The following IQCK variants were observed in gnomAD, a reference collection of about 807,000 sequenced individuals.
IQCK encodes the protein IQ motif containing K, also known as IQ domain-containing protein K.
In IQCK, 29 loss-of-function variants were observed where a neutral mutation model predicts 28.1. The ratio of observed to expected loss-of-function variants is 1.03; its 90% confidence interval spans 0.77 to 1.41. The LOEUF is 1.41. IQCK is among the 40% of genes most tolerant of loss of function. The probability of loss-of-function intolerance (pLI) is 0.00; values close to 1 mark genes in which losing one functional copy is unlikely to be tolerated. For missense variants in IQCK, 359 were observed against 314.7 expected, an observed-to-expected ratio of 1.14 and a Z score of -1.07; for synonymous variants, 113 against 115.1, an observed-to-expected ratio of 0.98 and a Z score of 0.12.
chr16:19,743,386 C>T (rs1567539473), intron 4 of IQCK, among the ~76,000 whole-genome samples: 1 of 152,194 alleles, frequency 6.6e-6, no homozygotes, highest in Non-Finnish European at 1.5e-5. Flanking sequence ...CTCCCTGGAG[C>T]TGGAGCTGGG....
At chr16:19,745,400 G>C (rs1172938954) in intron 4 of IQCK, among the ~76,000 whole-genome samples, 1 of 152,152 alleles carries the variant, frequency 6.6e-6, no homozygotes. Flanking sequence ...CAGTATGTTT[G>C]GGGCAGAGTG....
intron 4 of IQCK, among the ~76,000 whole-genome samples, chr16:19,759,273 G>A (rs904810608): frequency 5.3e-5 from 8 of 151,986 alleles, no homozygotes; most frequent in Middle Eastern, 3.2e-3. Context: ...GTGCAGTGGC[G>A]TGATAGCTCA....
intron 7 of IQCK, among the ~76,000 whole-genome samples, chr16:19,820,844 A>T (rs992416218): frequency 6.6e-6 from 1 of 152,140 alleles, no homozygotes; most frequent in Non-Finnish European, 1.5e-5. Flanking sequence ...CAAGCAACCC[A>T]CTGTTTAAAA....
chr16:19,759,100 G>GT (rs1164789504), intron 4 of IQCK, among the ~76,000 whole-genome samples: 2 of 152,088 alleles, frequency 1.3e-5, no homozygotes, highest in African/African-American at 4.8e-5. Context: ...GTGTACATGA[G>GT]TTTTTTTCTT....
At position 19,764,096 on chromosome 16, in the gene IQCK, G is replaced by T; in HGVS notation, c.589G>T (p.Glu197Ter). The T allele has an allele frequency of 6.2e-7, 1 of 1,613,066 alleles. No individual in the cohort carries two copies. The highest frequency in any genetic ancestry group is 1.1e-5 in the South Asian group (1 of 90,908). The change falls in exon 6 of 8, where the codon GAG becomes TAG. Residue 197 changes from glutamate (E) to a stop codon, truncating the protein, a stop_gained. Coordinates refer to ENST00000564186, the Ensembl canonical transcript of IQCK. LOFTEE classifies it high-confidence loss of function. ...ATTTTTCTCCATTCCATTTGTGGAG[G>T]AGCGGCTAAAGCAACAGTGAGTATG...
chr16:19,728,143 A>G (rs1163500202), intron 1 of IQCK, among the ~76,000 whole-genome samples: 1 of 152,070 alleles, frequency 6.6e-6, no homozygotes, highest in Admixed American at 6.6e-5. Context: ...CAAGTTGTGC[A>G]TTACCCATGG....
At chr16:19,771,041 C>T (rs1233944566) in intron 6 of IQCK, among the ~76,000 whole-genome samples, 1 of 152,190 alleles carries the variant, frequency 6.6e-6, no homozygotes, top group African/African-American at 2.4e-5. Flanking sequence ...ATCGCATCTG[C>T]AAAGTTTCTT....
chr16:19,853,196 G>A (rs1313996164), intron 9 of IQCK, among the ~76,000 whole-genome samples: 1 of 152,114 alleles, frequency 6.6e-6, no homozygotes, highest in Admixed American at 6.6e-5. Context: ...CAGTGTAGTT[G>A]TGCCTCCAGA....
intron 6 of IQCK, among the ~76,000 whole-genome samples, chr16:19,777,865 A>G (rs997996473): frequency 6.6e-6 from 1 of 152,178 alleles, no homozygotes; most frequent in African/African-American, 2.4e-5. Context: ...AGTCTGGCCA[A>G]CGTGGTGAAA....
At chr16:19,785,493 C>A (rs1743893860) in intron 6 of IQCK, among the ~76,000 whole-genome samples, 1 of 152,222 alleles carries the variant, frequency 6.6e-6, no homozygotes, top group Admixed American at 6.5e-5. Flanking sequence ...CCCTAACTTT[C>A]CACGCCTAAG....
chr16:19,827,217 G>A (rs747021862), downstream of IQCK: 1 of 1,014,424 alleles, frequency 9.9e-7, no homozygotes, highest in South Asian at 1.3e-5. Context: ...GAGGCCCTCT[G>A]AGCTTTTGTA....
intron 7 of IQCK, among the ~76,000 whole-genome samples, chr16:19,815,007 G>A (rs890962819): frequency 6.6e-6 from 1 of 152,018 alleles, no homozygotes; most frequent in Non-Finnish European, 1.5e-5. Context: ...GGCTGGTCTC[G>A]AATTCCTGTG....
chr16:19,837,026 C>T (rs2056307578), intron 9 of IQCK, among the ~76,000 whole-genome samples: 1 of 152,130 alleles, frequency 6.6e-6, no homozygotes, highest in African/African-American at 2.4e-5. Flanking sequence ...GGAATAGTGC[C>T]TGGCCCATAA....
At chr16:19,759,514 G>A (rs2055106391) in intron 4 of IQCK, among the ~76,000 whole-genome samples, 2 of 152,092 alleles carry the variant, frequency 1.3e-5, no homozygotes, top group Non-Finnish European at 1.5e-5. Context: ...CAGCCTCAGT[G>A]CAGTCAGTTA....
At chr16:19,834,176 T>C (rs1701136460) in intron 9 of IQCK, among the ~76,000 whole-genome samples, 1 of 152,236 alleles carries the variant, frequency 6.6e-6, no homozygotes, top group Non-Finnish European at 1.5e-5. Flanking sequence ...CAAAGAAGGA[T>C]GTCTGCAACT....
intron 2 of IQCK, among the ~76,000 whole-genome samples, chr16:19,731,190 A>G (rs74013814): frequency 0.055 from 8,319 of 152,260 alleles, 708 homozygotes; most frequent in African/African-American, 0.18. Context: ...ATGACAGGGT[A>G]GACAAGATGA....
rs56758394 is a variant in IQCK at position 19,778,052 on chromosome 16, C to CAA, written c.606-10778_606-10777dup. Among the ~76,000 whole-genome samples, 904 of 150,134 alleles carry CAA rather than the reference C, an allele frequency of 6.0e-3. 10 individuals carry two copies. The highest frequency in any genetic ancestry group is 0.021 in the African/African-American group (855 of 40,898). ...CGGGTGACAGTGCAGGACTCTGTCT[C>CAA]AAAAAAAAAGAGAACCAGTTCAGAG... On this transcript the variant is annotated intron_variant, in intron 6 of 7. Transcript: ENST00000564186.
chr16:19,853,236 G>A (rs4782291), intron 9 of IQCK, among the ~76,000 whole-genome samples: 48,676 of 151,856 alleles, frequency 0.32, 8,337 homozygotes, highest in East Asian at 0.53. Flanking sequence ...AGGGTGTTCA[G>A]AAATCCCCAG....
At chr16:19,751,338 A>C (rs1249764666) in intron 4 of IQCK, among the ~76,000 whole-genome samples, 1 of 152,080 alleles carries the variant, frequency 6.6e-6, no homozygotes, top group South Asian at 2.1e-4. Context: ...GAAATTAGCC[A>C]GGCAGTGCCA....
Sources: gnomAD v4.1 joint callset for allele counts (sites outside exome capture counted in the v4.1 genomes callset) on GRCh38, gnomAD v4.1.1 for gene constraint, MANE v1.5 for transcripts, NCBI Gene and HGNC (gene_info 2026-07-23, HGNC 2026-07-21) for gene names.